The following WNT8A variants were observed in gnomAD, a reference collection of about 807,000 sequenced individuals.
WNT8A encodes the protein Wnt family member 8A.
In WNT8A, 14 loss-of-function variants were observed where a neutral mutation model predicts 20.5. The observed-to-expected ratio is 0.68, with a 90% CI of 0.45 to 1.07. The LOEUF (loss-of-function observed/expected upper bound fraction) is 1.07, where lower values mean the gene tolerates loss of function less well. Among genes scored for constraint, WNT8A ranks in the 50% least tolerant of loss-of-function variants. The pLI is 0.00. For synonymous variants in WNT8A, 167 were observed against 169.2 expected (o/e 0.99, Z 0.10); for missense variants, 397 against 462.9 (o/e 0.86, Z 1.31).
chr5:138,083,430 A>G (rs767761821), upstream of WNT8A, among the ~76,000 whole-genome samples: 7 of 152,210 alleles, frequency 4.6e-5, no homozygotes, highest in Non-Finnish European at 1.0e-4. Flanking sequence ...AATTAAGGAA[A>G]TTTCCCAGCA....
chr5:138,090,078 AC>A (rs1186756806), intron 4 of WNT8A, among the ~76,000 whole-genome samples: 3 of 151,712 alleles, frequency 2.0e-5, no homozygotes, highest in Admixed American at 2.0e-4. Flanking sequence ...ACAAATCCAA[AC>A]CCCCCAAAAT....
downstream of WNT8A, chr5:138,091,959 C>G (rs753653398): frequency 6.6e-5 from 10 of 152,192 alleles, no homozygotes; most frequent in Non-Finnish European, 1.2e-4. Flanking sequence ...TTTTGCAGCT[C>G]ATAAACCGTC....
chr5:138,084,349 G>T, intron 1 of WNT8A, 66 bp downstream of exon 1: 3 of 1,589,716 alleles, frequency 1.9e-6, no homozygotes, highest in Non-Finnish European at 2.6e-6. Context: ...CTGGAGAAAA[G>T]AGGGGCGGGG....
chr5:138,084,045 G>C lies in WNT8A; in HGVS notation c.-83G>C. The C allele has an allele frequency of 6.3e-7, 1 of 1,588,622 alleles. No individual in the cohort carries two copies. The highest frequency in any genetic ancestry group is 8.6e-7 in the Non-Finnish European group (1 of 1,162,156). ...ACCCTGCCCTCTCCTCACTTCTCTGGACTTGGCCCTGAGCTGGACCTGGTC... is the reference window on the plus strand; with the variant it reads ...ACCCTGCCCTCTCCTCACTTCTCTGCACTTGGCCCTGAGCTGGACCTGGTC... On this transcript the variant is annotated 5_prime_UTR_variant, in exon 1 of 5. Transcript: ENST00000506684.
intron 1 of WNT8A, 69 bp downstream of exon 1, chr5:138,084,352 G>A: frequency 6.3e-7 from 1 of 1,583,096 alleles, no homozygotes. Context: ...GAGAAAAGAG[G>A]GGCGGGGACA....
chr5:138,090,017 TAA>T (rs966921462), intron 4 of WNT8A, among the ~76,000 whole-genome samples: 1 of 152,124 alleles, frequency 6.6e-6, no homozygotes, highest in African/African-American at 2.4e-5. Context: ...CTTGGGGGTA[TAA>T]GTGTTCAGAC....
At chr5:138,081,541 G>C (rs757514529), upstream of WNT8A, among the ~76,000 whole-genome samples, 2 of 152,046 alleles carry the variant, frequency 1.3e-5, no homozygotes, top group African/African-American at 4.8e-5. Context: ...GTCTTAAGAA[G>C]TGAAAGTTAA....
At chr5:138,079,606 C>T (rs1267528972), upstream of WNT8A, among the ~76,000 whole-genome samples, 1 of 152,014 alleles carries the variant, frequency 6.6e-6, no homozygotes, top group Admixed American at 6.6e-5. Flanking sequence ...CCTGCCACAC[C>T]CAAGCCAGTT....
chr5:138,079,023 C>A (rs1250815901), upstream of WNT8A, among the ~76,000 whole-genome samples: 2 of 152,004 alleles, frequency 1.3e-5, no homozygotes, highest in African/African-American at 2.4e-5. Context: ...TAGATACATA[C>A]CTTATCTCCT....
upstream of WNT8A, among the ~76,000 whole-genome samples, chr5:138,080,773 G>A (rs897547089): frequency 6.6e-6 from 1 of 152,036 alleles, no homozygotes; most frequent in African/African-American, 2.4e-5. Flanking sequence ...GCCCAGCTGG[G>A]AAAGTCTTTA....
chr5:138,090,210 A>G (rs1750800033), intron 4 of WNT8A, among the ~76,000 whole-genome samples: 1 of 152,120 alleles, frequency 6.6e-6, no homozygotes, highest in Non-Finnish European at 1.5e-5. Flanking sequence ...GCAGATAGAG[A>G]AAAGCTTGAC....
intron 2 of WNT8A, among the ~76,000 whole-genome samples, chr5:138,087,136 C>T (rs1328706504): frequency 6.8e-6 from 1 of 146,734 alleles, no homozygotes; most frequent in African/African-American, 2.5e-5. Flanking sequence ...GCAGGTGGGT[C>T]ACCTGAGATC....
chr5:138,084,275 G>T lies in WNT8A; in HGVS notation c.148G>T (p.Gly50Cys). ...GTCAGTGAACAATTTCCTGATAACA[G>T]GTCCCAAGGTAGGATGATCTCCAGC... is the stretch of plus-strand genomic sequence containing the variant. ...GRSVNNFLIT[G>C]PKAYLTYTTS... Residue 50 changes from glycine (G) to cysteine (C), a missense_variant, in exon 1 of 5, where the codon GGT (glycine) becomes TGT (cysteine). Gly to Cys is a radical substitution (Grantham distance 159). Coordinates refer to ENST00000506684, the MANE Select transcript of WNT8A (RefSeq NM_001300939.2). The T allele has an allele frequency of 5.0e-6, 8 of 1,614,094 alleles. No homozygotes were observed. The highest frequency in any genetic ancestry group is 6.8e-6 in the Non-Finnish European group (8 of 1,180,016).
At chr5:138,092,067 G>A (rs1750875149), downstream of WNT8A, 1 of 151,956 alleles carries the variant, frequency 6.6e-6, no homozygotes, top group Non-Finnish European at 1.5e-5. Context: ...CAGAGAGCTG[G>A]GGACTCTTCT....
At chr5:138,085,971 A>C (rs1750649324) in intron 2 of WNT8A, among the ~76,000 whole-genome samples, 1 of 152,066 alleles carries the variant, frequency 6.6e-6, no homozygotes, top group South Asian at 2.1e-4. Flanking sequence ...AGAGTTTAGT[A>C]AGATAAGAGT....
At chr5:138,077,486 G>C in the WNT8A span, among the ~76,000 whole-genome samples, 7 of 152,058 alleles carry the variant, frequency 4.6e-5, no homozygotes, top group Non-Finnish European at 1.0e-4. Context: ...TTGAGTATTG[G>C]CCTGAACCGA....
rs977725788 is a variant in WNT8A, at chr5:138,090,512, T to C, written c.565-16T>C. The C allele has an allele frequency of 3.7e-6, 6 of 1,610,302 alleles. No individual in the cohort carries two copies. In the East Asian group the frequency reaches 1.3e-4, roughly 36 times the overall value. On this transcript the variant is annotated splice_polypyrimidine_tract_variant and intron_variant, in intron 4 of 4. Coordinates refer to ENST00000506684, the MANE Select transcript of WNT8A (RefSeq NM_001300939.2). ...CCCTACTCAGAGCCATTCTCTTTTG[T>C]GTTCTCTCTATGAAGGCAGTGAGAG...
At chr5:138,084,841 G>A (rs1166113138) in intron 2 of WNT8A, among the ~76,000 whole-genome samples, 1 of 152,204 alleles carries the variant, frequency 6.6e-6, no homozygotes, top group Non-Finnish European at 1.5e-5. Flanking sequence ...GGTCAGTAAG[G>A]CCAGTTCTGT....
intron 3 of WNT8A, 81 bp downstream of exon 3, chr5:138,088,012 G>T (rs1322211751): frequency 1.9e-6 from 3 of 1,575,078 alleles, no homozygotes; most frequent in Non-Finnish European, 1.7e-6. Context: ...CCAGAGAAAG[G>T]CTGAGGGACA....
Sources: gnomAD v4.1 joint callset for allele counts (sites outside exome capture counted in the v4.1 genomes callset) on GRCh38, gnomAD v4.1.1 for gene constraint, MANE v1.5 for transcripts, NCBI Gene and HGNC (gene_info 2026-07-23, HGNC 2026-07-21) for gene names.